The following ARHGEF15 variants were observed in gnomAD, a reference collection of about 807,000 sequenced individuals.
ARHGEF15 encodes Rho guanine nucleotide exchange factor (GEF) 15.
A neutral mutation model predicts 79.7 loss-of-function variants in ARHGEF15; 58 were observed. The ratio of observed to expected loss-of-function variants is 0.73; its 90% CI spans 0.59 to 0.91. The LOEUF (loss-of-function observed/expected upper bound fraction) is 0.91. Ranked by LOEUF, ARHGEF15 falls within the 40% of genes least tolerant of loss-of-function variation. The pLI is 0.00. For missense variants in ARHGEF15, 1,012 were observed against 1,108.1 expected, an observed-to-expected ratio of 0.91 and a Z score of 1.23; for synonymous variants, 442 against 456.0, an observed-to-expected ratio of 0.97 and a Z score of 0.39.
Position 8,315,288 on chromosome 17 carries a change from G to A in ARHGEF15, c.1260+11G>A, listed in dbSNP as rs1159269473. On this transcript the variant is annotated intron_variant, in intron 6 of 15. Transcript: ENST00000361926. The surrounding 1 kb of genome is among the most constrained non-coding windows in gnomAD (Gnocchi z 4.3). The stretch of plus-strand genomic sequence containing the variant: ...AGGCGCATGCAGGAGGTGGGAGCTG[G>A]AGGTGGGAGATGGGAGGGGGGTGCT... 1.2e-6 allele frequency: 2 copies of A among 1,612,550 alleles called. No individual in the cohort carries two copies. Among genetic ancestry groups the A allele is most frequent in the African/African-American group, 1.3e-5 (1 of 75,026 alleles).
rs746728875 is a variant in ARHGEF15, at chr17:8,312,651, C to T, written c.601+11C>T. Reference sequence around the variant, plus strand: ...AGAACGGTGCTCCAGGTGAGTGTGGCGGGTGGGGGGCGCTGGGTGACCTCA... The same window carrying T: ...AGAACGGTGCTCCAGGTGAGTGTGGTGGGTGGGGGGCGCTGGGTGACCTCA... On this transcript the variant is annotated intron_variant, in intron 2 of 15. Transcript: ENST00000361926. 6.8e-6 allele frequency: 11 copies of T among 1,611,594 alleles called. No homozygotes were observed. Among genetic ancestry groups the T allele is most frequent in the Middle Eastern group, 1.6e-4 (1 of 6,082 alleles).
Position 8,315,188 on chromosome 17 carries a change from C to A in ARHGEF15, c.1171C>A (p.Pro391Thr), listed in dbSNP as rs1412804313. 2 of 1,613,884 alleles carry A rather than the reference C, an allele frequency of 1.2e-6. No individual in the cohort carries two copies. Among genetic ancestry groups the A allele is most frequent in the Admixed American group, 1.7e-5 (1 of 59,998 alleles). The change falls in exon 6 of 16, where the codon CCT becomes ACT. Residue 391 changes from proline to threonine, a missense_variant. This residue lies in a region of ARHGEF15 where 818 missense variants were observed against 882.5 expected (regional missense o/e 0.93). Transcript: ENST00000361926. This position sits in a 1 kb window ranked among gnomAD's most constrained non-coding sequence, Gnocchi z 4.3. The part of the protein sequence containing the change: ...DAPTFPRPPG[P>T]RNTLWQELPA... ...ACCCACCTTCCCACGACCCCCTGGA[C>A]CTCGCAACACCCTGTGGCAGGAGCT... is the stretch of plus-strand genomic sequence containing the variant.
Position 8,315,359 on chromosome 17 carries a change from T to A in ARHGEF15, c.1261-55T>A. On this transcript the variant is annotated intron_variant, in intron 6 of 15. Coordinates refer to ENST00000361926, the MANE Select transcript of ARHGEF15 (RefSeq NM_173728.4). This position sits in a 1 kb window ranked among gnomAD's most constrained non-coding sequence, Gnocchi z 4.3. ...AGGCATAGGGGAGGAGGGCCCAGGG[T>A]CCTAGCTTCCCACGGTGAACTGGGC... is the stretch of plus-strand genomic sequence containing the variant. 6.2e-7 allele frequency: 1 copy of A among 1,611,866 alleles called. No homozygotes were observed. Among genetic ancestry groups the A allele is most frequent in the Non-Finnish European group, 8.5e-7 (1 of 1,178,900 alleles).
In ARHGEF15 at chr17:8,315,840, C is replaced by A. The variant is rs751268200; in HGVS notation, c.1507C>A (p.Pro503Thr). Residue 503 changes from proline (P) to threonine (T), a missense_variant, in exon 8 of 16, where the codon CCT becomes ACT. This residue lies in a region of ARHGEF15 where 818 missense variants were observed against 882.5 expected (regional missense o/e 0.93). Transcript: ENST00000361926. The surrounding 1 kb of genome is among the most constrained non-coding windows in gnomAD (Gnocchi z 4.3). ...TGTGGTGCATGCCCACGCTGTGGGG[C>A]CTTTCTCGGTGTATGTGGATTATGT... is the stretch of plus-strand genomic sequence containing the variant. ...CDVVHAHAVG[P>T]FSVYVDYVRN... The A allele has an allele frequency of 6.2e-7, 1 of 1,612,762 alleles. No individual in the cohort carries two copies. The highest frequency in any genetic ancestry group is 1.3e-5 in the African/African-American group (1 of 74,998).
intron 1 of ARHGEF15, chr17:8,310,862 G>A (rs1379507024): frequency 6.6e-6 from 1 of 152,078 alleles, no homozygotes; most frequent in Non-Finnish European, 1.5e-5. Context: ...GGGGATTCAA[G>A]GGTGAGTGCT....
In ARHGEF15 at chr17:8,311,996, G is replaced by T; in HGVS notation, c.-44G>T. 6.7e-7 allele frequency: 1 copy of T among 1,482,464 alleles called. No homozygotes were observed. The highest frequency in any genetic ancestry group is 9.0e-7 in the Non-Finnish European group (1 of 1,117,302). 91.8% of individuals were successfully genotyped at this position (1,482,464 alleles called of 1,614,324 possible). A position where few individuals can be genotyped will look rare whatever the true frequency, so the allele number is the denominator to read the frequency against. ...TTTCCCTCCCTCCTCCTCAGGGGAT[G>T]ACTCCAGCAGAGCACCTCACTCCTT... On this transcript the variant is annotated 5_prime_UTR_variant, in exon 2 of 16. An upstream start codon of the reference 5' UTR is lost. Coordinates refer to ENST00000361926, the MANE Select transcript of ARHGEF15 (RefSeq NM_173728.4).
In ARHGEF15 at chr17:8,315,485, G is replaced by A. The variant is rs1904956606; in HGVS notation, c.1332G>A (p.Val444=). 8.7e-6 allele frequency: 14 copies of A among 1,613,512 alleles called. No individual in the cohort carries two copies. Among genetic ancestry groups the A allele is most frequent in the Non-Finnish European group, 1.2e-5 (14 of 1,180,012 alleles). Residue 444 remains valine, a synonymous_variant, in exon 7 of 16, where the codon GTG becomes GTA. Coordinates refer to ENST00000361926, the MANE Select transcript of ARHGEF15 (RefSeq NM_173728.4). This position sits in a 1 kb window ranked among gnomAD's most constrained non-coding sequence, Gnocchi z 4.3. ...RSLRLLTDTF[V]LSQALRDTLT... ...TGCGGCTGCTGACCGACACCTTCGT[G>A]CTGAGCCAGGCACTCCGGGACACGC...
rs1049136398 is a variant in ARHGEF15 at position 8,313,588 on chromosome 17, C to T, written c.989+33C>T. 5.0e-6 allele frequency: 8 copies of T among 1,596,870 alleles called. No homozygotes were observed. The Admixed American group carries it at 7.1e-5, about 14-fold the overall frequency. On this transcript the variant is annotated intron_variant, in intron 4 of 15. Coordinates refer to ENST00000361926, the MANE Select transcript of ARHGEF15 (RefSeq NM_173728.4). ...ACACCCCCACCCCTACTCCCTGGTTCTCTCCCCACCATGCTTCTACCTGAG... is the reference window on the plus strand; with the variant it reads ...ACACCCCCACCCCTACTCCCTGGTTTTCTCCCCACCATGCTTCTACCTGAG...
chr17:8,315,918 C>G lies in ARHGEF15; in HGVS notation c.1574+11C>G. On this transcript the variant is annotated intron_variant, in intron 8 of 15. Transcript: ENST00000361926. The surrounding 1 kb of genome is among the most constrained non-coding windows in gnomAD (Gnocchi z 4.3). Reference sequence around the variant, plus strand: ...CTACAGCCGCCTCATGTGAGTGTCCCAGGGGTGGGGAGGAAGCTGGGGAGA... The same window carrying G: ...CTACAGCCGCCTCATGTGAGTGTCCGAGGGGTGGGGAGGAAGCTGGGGAGA... The G allele has an allele frequency of 6.2e-7, 1 of 1,607,344 alleles. No homozygotes were observed. The highest frequency in any genetic ancestry group is 8.5e-7 in the Non-Finnish European group (1 of 1,179,782).
At chr17:8,320,670 C>A (rs553150494) in intron 15 of ARHGEF15, among the ~76,000 whole-genome samples, 172 bp from the exon 16 acceptor site, 1 of 152,130 alleles carries the variant, frequency 6.6e-6, no homozygotes, top group Non-Finnish European at 1.5e-5. Context: ...AGACTCTCTC[C>A]GAGCTGCTGT....
chr17:8,313,584 G>T, intron 4 of ARHGEF15, 29 bp downstream of exon 4: 1 of 1,601,316 alleles, frequency 6.2e-7, no homozygotes, highest in Non-Finnish European at 8.5e-7. Flanking sequence ...CCTACTCCCT[G>T]GTTCTCTCCC....
At chr17:8,313,736 G>C in intron 4 of ARHGEF15, 181 bp downstream of exon 4, 3 of 552,282 alleles carry the variant, frequency 5.4e-6, no homozygotes, top group Non-Finnish European at 9.1e-6. Flanking sequence ...TCAATTCTGT[G>C]ATCTTATAGA....
At chr17:8,312,838 G>A in intron 2 of ARHGEF15, 84 bp from the exon 3 acceptor site, 1 of 1,563,300 alleles carries the variant, frequency 6.4e-7, no homozygotes, top group South Asian at 1.1e-5. Flanking sequence ...TGCAGTTGCT[G>A]GGCAGGTTAA....
intron 4 of ARHGEF15, 86 bp from the exon 5 acceptor site, chr17:8,314,820 T>G: frequency 6.5e-7 from 1 of 1,541,774 alleles, no homozygotes; most frequent in East Asian, 2.4e-5. Flanking sequence ...TGCACATGGG[T>G]TGCCCTGTCC....
rs1377230947 is a variant in ARHGEF15 at position 8,319,358 on chromosome 17, C to T, written c.2233C>T (p.Leu745Phe). Reference sequence around the variant, plus strand: ...GGGAGCCTTCCCAACCCCAGGCCCCCTTCCCTGCTCCCCAGACACCATCTA... The same window carrying T: ...GGGAGCCTTCCCAACCCCAGGCCCCTTTCCCTGCTCCCCAGACACCATCTA... ...WLGAFPTPGP[L>F]PCSPDTIYED... Residue 745 changes from leucine to phenylalanine, a missense_variant, in exon 14 of 16, where the codon CTT becomes TTT. Physicochemically the swap from Leu to Phe is conservative, Grantham distance 22 (BLOSUM62 0). Around this residue, in one of 3 missense-constraint regions of ARHGEF15, gnomAD observed 132 missense variants for 124.2 expected, o/e 1.06. Transcript: ENST00000361926. 1.2e-6 allele frequency: 2 copies of T among 1,614,004 alleles called. No homozygotes were observed. The highest frequency in any genetic ancestry group is 1.7e-6 in the Non-Finnish European group (2 of 1,180,020).
At position 8,313,489 on chromosome 17, in the gene ARHGEF15, T is replaced by G. The variant is rs752719110; in HGVS notation, c.935-12T>G. The stretch of plus-strand genomic sequence containing the variant: ...AGTTTTTTTTTCTCTTCACTCTGGC[T>G]TCTCTCTCCAGGGGACAGTCCTGAT... On this transcript the variant is annotated splice_polypyrimidine_tract_variant and intron_variant, in intron 3 of 15. Coordinates refer to ENST00000361926, the MANE Select transcript of ARHGEF15 (RefSeq NM_173728.4). 16 of 1,610,410 alleles carry G rather than the reference T, an allele frequency of 9.9e-6. No individual in the cohort carries two copies. The African/African-American group carries it at 2.1e-4, about 22-fold the overall frequency.
At chr17:8,317,492 AAAT>A (rs1905100172) in intron 9 of ARHGEF15, among the ~76,000 whole-genome samples, 1 of 152,164 alleles carries the variant, frequency 6.6e-6, no homozygotes, top group Non-Finnish European at 1.5e-5. Flanking sequence ...GTAGACAACA[AAAT>A]AATAATAATG....
rs200552061 is a variant in ARHGEF15 at position 8,318,529 on chromosome 17, G to A, written c.1780-41G>A. The A allele has an allele frequency of 4.8e-5, 77 of 1,612,834 alleles. No homozygotes were observed. In the African/African-American group the frequency reaches 9.3e-4, roughly 20 times the overall value. On this transcript the variant is annotated intron_variant, in intron 10 of 15. Coordinates refer to ENST00000361926, the MANE Select transcript of ARHGEF15 (RefSeq NM_173728.4). The surrounding 1 kb of genome is among the most constrained non-coding windows in gnomAD (Gnocchi z 5.0). ...GTAGAGAGAAATGGTAGGGAGCAGGGGGCTGGCCGCTGGGGTGGTGACACA... is the reference window on the plus strand; with the variant it reads ...GTAGAGAGAAATGGTAGGGAGCAGGAGGCTGGCCGCTGGGGTGGTGACACA...
intron 4 of ARHGEF15, 143 bp from the exon 5 acceptor site, chr17:8,314,763 A>AC: frequency 2.9e-6 from 2 of 690,136 alleles, no homozygotes; most frequent in Non-Finnish European, 4.4e-6. Context: ...AAAAAAAAAA[A>AC]GCCTGAGGTT....
Sources: gnomAD v4.1 joint callset for allele counts (sites outside exome capture counted in the v4.1 genomes callset) on GRCh38, gnomAD v4.1.1 for gene constraint, gnomAD v4.1.1 regional missense constraint, Gnocchi (gnomAD v3.1) non-coding constraint, MANE v1.5 for transcripts, NCBI Gene and HGNC (gene_info 2026-07-23, HGNC 2026-07-21) for gene names.